KIF1A: variants seen among roughly 807,000 people sequenced by gnomAD.
The protein encoded by KIF1A is kinesin family member 1A, also known as kinesin-like protein KIF1A.
KIF1A carries 46 observed loss-of-function variants against 227.3 expected under a neutral mutation model. That is an observed-to-expected ratio of 0.20 (90% CI 0.16 to 0.26). KIF1A has a LOEUF of 0.26. Among genes scored for constraint, KIF1A ranks in the 10% least tolerant of loss-of-function variants. The pLI is 1.00. For missense variants in KIF1A, 1,683 were observed against 2,485.9 expected (o/e 0.68, Z 6.87); for synonymous variants, 1,022 against 1,012.8 (o/e 1.01, Z -0.17).
intron 17 of KIF1A, 137 bp from the exon 18 acceptor site, chr2:240,767,482 C>G (rs1457734923): frequency 2.9e-6 from 2 of 693,290 alleles, no homozygotes; most frequent in Non-Finnish European, 5.1e-6. Context: ...TGCCACCAGG[C>G]TGGTCACTCC....
rs748567000 is a variant in KIF1A, at chr2:240,762,802, C to T, written c.2033G>A (p.Ser678Asn). 1 of 1,593,460 alleles carries T rather than the reference C, an allele frequency of 6.3e-7. No homozygotes were observed. The highest frequency in any genetic ancestry group is 2.3e-5 in the East Asian group (1 of 44,154). Residue 678 changes from serine to asparagine, a missense_variant, in exon 23 of 49, where the codon AGC becomes AAC. Physicochemically the swap from Ser to Asn is conservative, Grantham distance 46. Around this residue, in one of 12 missense-constraint regions of KIF1A, gnomAD observed 217 missense variants for 427.0 expected, o/e 0.51. Transcript: ENST00000498729. ...CTGCTTCTGCAGAGCCTCCAGCTTG[C>T]TCTCATAGTCCTGCAGAAAGCAAGG... ...LLEQQRLDYE[S>N]KLEALQKQMD... is the part of the protein sequence containing the mutation.
At chr2:240,774,283 G>T (rs746412289) in intron 11 of KIF1A, 22 bp from the exon 12 acceptor site, 159 of 1,556,960 alleles carry the variant, frequency 1.0e-4, no homozygotes, top group Non-Finnish European at 1.4e-4. Flanking sequence ...AGACCAGGTT[G>T]TGCCCAGAGG....
Position 240,715,894 on chromosome 2 carries a change from G to T in KIF1A, c.*1470C>A, listed in dbSNP as rs1013019788. On this transcript the variant is annotated 3_prime_UTR_variant, in exon 49 of 49. Transcript: ENST00000498729. ...TGCTCCCACGGGCCACGGCGGGAGA[G>T]GGGCTCTGTTGCTTGGCTACTGTCT... 6.6e-6 allele frequency: 1 copy of T among 152,338 alleles called. No individual in the cohort carries two copies. Among genetic ancestry groups the T allele is most frequent in the African/African-American group, 2.4e-5 (1 of 41,426 alleles). The allele number at this position is 152,338 out of a possible 1,614,324, so 9.4% of individuals were successfully genotyped here.
chr2:240,795,248 G>A (rs2056229560), intron 2 of KIF1A, among the ~76,000 whole-genome samples: 3 of 152,176 alleles, frequency 2.0e-5, no homozygotes, highest in African/African-American at 4.8e-5. Context: ...GAGGCTGCTG[G>A]CACATAGGCG....
intron 28 of KIF1A, among the ~76,000 whole-genome samples, chr2:240,749,486 C>G (rs2048976043): frequency 6.6e-6 from 1 of 152,138 alleles, no homozygotes; most frequent in South Asian, 2.1e-4. Context: ...CTACTCCCTC[C>G]CTAGGGTGCC....
Position 240,787,982 on chromosome 2 carries a change from G to A in KIF1A, c.363+69C>T, listed in dbSNP as rs111869246. 6.4e-5 allele frequency: 93 copies of A among 1,443,782 alleles called. No homozygotes were observed. The South Asian group carries it at 7.6e-4, about 12-fold the overall frequency. 89.4% of individuals were successfully genotyped at this position (1,443,782 alleles called of 1,614,324 possible). A position where few individuals can be genotyped will look rare whatever the true frequency, so the allele number is the denominator to read the frequency against. On this transcript the variant is annotated intron_variant, in intron 4 of 48. Coordinates refer to ENST00000498729, the MANE Select transcript of KIF1A (RefSeq NM_001244008.2). Reference sequence around the variant, plus strand: ...GGCTGCTCTCAGGGGTGCCTGGCCCGGAGCTCTCAGCCTCAGCTGGTCCCG... The same window carrying A: ...GGCTGCTCTCAGGGGTGCCTGGCCCAGAGCTCTCAGCCTCAGCTGGTCCCG...
At position 240,775,953 on chromosome 2, in the gene KIF1A, A is replaced by G. The variant is rs763457901; in HGVS notation, c.883-27T>C. On this transcript the variant is annotated intron_variant, in intron 10 of 48. Coordinates refer to ENST00000498729, the MANE Select transcript of KIF1A (RefSeq NM_001244008.2). The surrounding 1 kb of genome is among the most constrained non-coding windows in gnomAD (Gnocchi z 5.5). Reference sequence around the variant, plus strand: ...TGTGGGGGAGGAACATTCAAGGTCAAGCCCGAGCCCACTGCAGAGGAAGCG... The same window carrying G: ...TGTGGGGGAGGAACATTCAAGGTCAGGCCCGAGCCCACTGCAGAGGAAGCG... The G allele has an allele frequency of 5.2e-5, 78 of 1,513,372 alleles. No homozygotes were observed. The highest frequency in any genetic ancestry group is 6.6e-5 in the Non-Finnish European group (72 of 1,088,414). 93.7% of individuals were successfully genotyped at this position (1,513,372 alleles called of 1,614,324 possible).
chr2:240,801,741 C>T (rs2056989181), intron 1 of KIF1A, among the ~76,000 whole-genome samples: 1 of 152,166 alleles, frequency 6.6e-6, no homozygotes, highest in Admixed American at 6.5e-5. Context: ...TCAGCCCCTC[C>T]ACCACGTGAG....
chr2:240,741,625 G>A (rs558960527), intron 34 of KIF1A, among the ~76,000 whole-genome samples: 1 of 152,318 alleles, frequency 6.6e-6, no homozygotes, highest in East Asian at 1.9e-4. Flanking sequence ...AAGGCACATG[G>A]CCATGTACAC....
chr2:240,732,795 AT>A (rs1464943666), intron 38 of KIF1A, among the ~76,000 whole-genome samples: 1 of 86,450 alleles, frequency 1.2e-5, no homozygotes, highest in Non-Finnish European at 2.3e-5. Flanking sequence ...GGGATAAGGG[AT>A]GAGGGGATGA....
intron 32 of KIF1A, among the ~76,000 whole-genome samples, chr2:240,744,918 C>G (rs1384816941): frequency 2.0e-5 from 3 of 152,180 alleles, no homozygotes; most frequent in Non-Finnish European, 4.4e-5. Context: ...CCCTGCTGCC[C>G]CAGGAGCCCA....
chr2:240,757,338 G>T lies in KIF1A; in HGVS notation c.2839C>A (p.Leu947Met), dbSNP rs1485967948. ...GRDPFYDRPPLFSLVGRAFVY... is the reference protein window; with the variant it reads ...GRDPFYDRPPMFSLVGRAFVY... ...ACCAACCTTCCTACTAAACTGAACAGGGGGGGCCGGTCGTAAAACGGGTCC... is the reference window on the plus strand; with the variant it reads ...ACCAACCTTCCTACTAAACTGAACATGGGGGGCCGGTCGTAAAACGGGTCC... The change falls in exon 27 of 49, where the codon CTG (leucine) becomes ATG (methionine). Residue 947 changes from leucine (L) to methionine (M), a missense_variant. Around this residue, in one of 12 missense-constraint regions of KIF1A, gnomAD observed 759 missense variants for 1,020.2 expected, o/e 0.74. Coordinates refer to ENST00000498729, the MANE Select transcript of KIF1A (RefSeq NM_001244008.2). This position sits in a 1 kb window ranked among gnomAD's most constrained non-coding sequence, Gnocchi z 6.2. The T allele has an allele frequency of 6.5e-7, 1 of 1,550,252 alleles. No homozygotes were observed. Among genetic ancestry groups the T allele is most frequent in the Admixed American group, 2.0e-5 (1 of 50,998 alleles).
chr2:240,729,307 T>G (rs1575531634), intron 38 of KIF1A, among the ~76,000 whole-genome samples: 1 of 152,274 alleles, frequency 6.6e-6, no homozygotes, highest in Non-Finnish European at 1.5e-5. Context: ...CTTCCTTCTC[T>G]TCCATCTCCG....
In KIF1A at chr2:240,790,270, A is replaced by G. The variant is rs2055496370; in HGVS notation, c.107-958T>C. Among the ~76,000 whole-genome samples the G allele has an allele frequency of 6.6e-6, 1 of 152,188 alleles. No homozygotes were observed. The highest frequency in any genetic ancestry group is 1.5e-5 in the Non-Finnish European group (1 of 68,034). On this transcript the variant is annotated intron_variant, in intron 2 of 48. Coordinates refer to ENST00000498729, the MANE Select transcript of KIF1A (RefSeq NM_001244008.2). The surrounding 1 kb of genome is among the most constrained non-coding windows in gnomAD (Gnocchi z 5.0). Reference sequence around the variant, plus strand: ...AGTCCCCTCCCAGGTTCTCACACCCAGGAGGAACACTGGCCATTCCTGGTC... The same window carrying G: ...AGTCCCCTCCCAGGTTCTCACACCCGGGAGGAACACTGGCCATTCCTGGTC...
At position 240,797,753 on chromosome 2, in the gene KIF1A, C is replaced by G. The variant is rs2056564154; in HGVS notation, c.-1G>C. 1 of 1,604,600 alleles carries G rather than the reference C, an allele frequency of 6.2e-7. No homozygotes were observed. Among genetic ancestry groups the G allele is most frequent in the Non-Finnish European group, 8.5e-7 (1 of 1,175,076 alleles). On this transcript the variant is annotated 5_prime_UTR_variant, in exon 2 of 49. Transcript: ENST00000498729. ...CCACCTTCACCGAAGCCCCGGCCAT[C>G]TCTGTGGCCTTCGTGGGTCACTCCT...
intron 47 of KIF1A, among the ~76,000 whole-genome samples, chr2:240,718,714 G>A (rs1276926115): frequency 2.6e-5 from 4 of 152,242 alleles, no homozygotes; most frequent in African/African-American, 9.6e-5. Context: ...CTCCGGAGGA[G>A]GGGACATGGC....
chr2:240,750,555 G>C lies in KIF1A; in HGVS notation c.2859-8C>G. ...CTCAGGTACACGAAGGCCCTGGGGAGAAGCAGAGGCGGCGGTCATGGGCCA... is the reference window on the plus strand; with the variant it reads ...CTCAGGTACACGAAGGCCCTGGGGACAAGCAGAGGCGGCGGTCATGGGCCA... On this transcript the variant is annotated splice_region_variant and splice_polypyrimidine_tract_variant and intron_variant, in intron 27 of 48. Coordinates refer to ENST00000498729, the MANE Select transcript of KIF1A (RefSeq NM_001244008.2). 6.2e-7 allele frequency: 1 copy of C among 1,606,150 alleles called. No individual in the cohort carries two copies. The highest frequency in any genetic ancestry group is 8.5e-7 in the Non-Finnish European group (1 of 1,173,180).
intron 1 of KIF1A, among the ~76,000 whole-genome samples, chr2:240,799,715 G>A (rs963008619): frequency 6.6e-6 from 1 of 152,190 alleles, no homozygotes; most frequent in African/African-American, 2.4e-5. Flanking sequence ...CCAGTCCCTG[G>A]CTAGAGCACA....
chr2:240,772,543 G>A, intron 14 of KIF1A, 27 bp downstream of exon 14: 2 of 1,544,698 alleles, frequency 1.3e-6, no homozygotes, highest in Non-Finnish European at 1.8e-6. Context: ...AAGCAGAGAT[G>A]CAGAGAGCAG....
Sources: allele counts gnomAD v4.1 joint callset (sites outside exome capture counted in the v4.1 genomes callset), GRCh38; gene constraint gnomAD v4.1.1; regional missense constraint gnomAD v4.1.1; non-coding constraint Gnocchi (gnomAD v3.1); transcripts MANE v1.5; gene names NCBI Gene and HGNC (gene_info 2026-07-23, HGNC 2026-07-21).